FBXL13: variants seen among roughly 807,000 people sequenced by gnomAD.
The protein encoded by FBXL13 is F-box and leucine-rich repeat protein 13.
In FBXL13, 67 loss-of-function variants were observed where a neutral mutation model predicts 83.6. The observed-to-expected ratio is 0.80, with a 90% confidence interval of 0.66 to 0.98. The LOEUF (loss-of-function observed/expected upper bound fraction) is 0.98. Among genes scored for constraint, FBXL13 ranks in the 50% least tolerant of loss-of-function variants. FBXL13 has a pLI of 0.00. For missense variants in FBXL13, 822 were observed against 866.5 expected, an observed-to-expected ratio of 0.95 and a Z score of 0.64; for synonymous variants, 272 against 299.5, an observed-to-expected ratio of 0.91 and a Z score of 0.95.
intron 6 of FBXL13, among the ~76,000 whole-genome samples, chr7:102,979,709 A>C (rs1827954640): frequency 6.6e-6 from 1 of 152,206 alleles, no homozygotes; most frequent in African/African-American, 2.4e-5. Context: ...ATTTCTTTGC[A>C]TGCCTGAAAT....
chr7:102,891,868 C>T (rs1811580175), intron 11 of FBXL13, among the ~76,000 whole-genome samples: 1 of 152,210 alleles, frequency 6.6e-6, no homozygotes, highest in Non-Finnish European at 1.5e-5. Flanking sequence ...TTTCCTCAAC[C>T]AGTGGCCAAA....
At chr7:102,940,723 T>C (rs1346908036) in intron 8 of FBXL13, among the ~76,000 whole-genome samples, 3 of 152,206 alleles carry the variant, frequency 2.0e-5, no homozygotes, top group African/African-American at 7.2e-5. Flanking sequence ...CTCCATTTGC[T>C]AAGCAAAGCC....
chr7:102,867,380 CA>C (rs147694128), intron 16 of FBXL13, among the ~76,000 whole-genome samples: 28,761 of 149,940 alleles, frequency 0.19, 3,003 homozygotes, highest in East Asian at 0.43. Context: ...AACAAACAAA[CA>C]AAAAAAAAGA....
At chr7:102,932,239 A>G (rs1048715433) in intron 8 of FBXL13, among the ~76,000 whole-genome samples, 2 of 152,060 alleles carry the variant, frequency 1.3e-5, no homozygotes, top group African/African-American at 4.8e-5. Flanking sequence ...AAGAAAACCA[A>G]CCTGGTTTTT....
chr7:102,886,402 TG>T (rs1178918594), intron 11 of FBXL13, among the ~76,000 whole-genome samples: 2 of 152,172 alleles, frequency 1.3e-5, no homozygotes, highest in African/African-American at 2.4e-5. Context: ...TCCAAGGTTC[TG>T]TCATCAGAGC....
intron 12 of FBXL13, among the ~76,000 whole-genome samples, chr7:102,883,936 C>A (rs1810450793): frequency 6.6e-6 from 1 of 152,096 alleles, no homozygotes; most frequent in African/African-American, 2.4e-5. Context: ...AAAATTACTA[C>A]ATTTGGCAGC....
At chr7:102,900,667 T>C (rs1812853460) in intron 11 of FBXL13, among the ~76,000 whole-genome samples, 1 of 152,194 alleles carries the variant, frequency 6.6e-6, no homozygotes, top group African/African-American at 2.4e-5. Flanking sequence ...TTCATGAAGC[T>C]ACAGCAGCAG....
At chr7:103,012,826 G>A (rs1013099673) in intron 6 of FBXL13, among the ~76,000 whole-genome samples, 1 of 152,158 alleles carries the variant, frequency 6.6e-6, no homozygotes, top group African/African-American at 2.4e-5. Context: ...GAATGTAAAT[G>A]GGCTAAATGC....
intron 6 of FBXL13, among the ~76,000 whole-genome samples, chr7:103,019,297 C>T (rs532487955): frequency 2.0e-5 from 3 of 152,212 alleles, no homozygotes; most frequent in East Asian, 1.9e-4. Flanking sequence ...GACAACATAC[C>T]GGAATGTCTG....
At chr7:102,939,524 A>G in intron 8 of FBXL13, 1 of 1,614,100 alleles carries the variant, frequency 6.2e-7, no homozygotes, top group Non-Finnish European at 8.5e-7. Flanking sequence ...AGGAATTTGA[A>G]GATGTTCATG....
intron 1 of FBXL13, among the ~76,000 whole-genome samples, chr7:103,060,065 C>CACA (rs1554517936): frequency 5.2e-5 from 2 of 38,666 alleles, no homozygotes; most frequent in South Asian, 8.7e-4. Context: ...TATATATATA[C>CACA]TTTTTTTTTT....
chr7:103,010,585 TA>T (rs1027751666), intron 6 of FBXL13, among the ~76,000 whole-genome samples: 35 of 152,188 alleles, frequency 2.3e-4, no homozygotes, highest in African/African-American at 8.4e-4. Context: ...TAGGGGGGTT[TA>T]GGGGGAAGCC....
intron 18 of FBXL13, among the ~76,000 whole-genome samples, chr7:102,830,964 G>T (rs1800561010): frequency 6.6e-6 from 1 of 152,148 alleles, no homozygotes; most frequent in Admixed American, 6.6e-5. Flanking sequence ...TAAGAGTGGA[G>T]GACTAAAAAC....
At chr7:102,827,144 C>T (rs1799877056) in intron 18 of FBXL13, 1 of 455,114 alleles carries the variant, frequency 2.2e-6, no homozygotes, top group Non-Finnish European at 4.4e-6. Flanking sequence ...TGCCTTGCAG[C>T]TTCTACCTTT....
At chr7:103,069,444 A>C (rs1798719628) in intron 1 of FBXL13, among the ~76,000 whole-genome samples, 1 of 152,218 alleles carries the variant, frequency 6.6e-6, no homozygotes, top group Admixed American at 6.5e-5. Flanking sequence ...CATATATAAA[A>C]GTTGAGGGCC....
At chr7:103,038,206 G>A (rs569788707) in intron 2 of FBXL13, among the ~76,000 whole-genome samples, 14 of 152,316 alleles carry the variant, frequency 9.2e-5, no homozygotes, top group African/African-American at 1.9e-4. Flanking sequence ...CACTGCTAGC[G>A]CAGCAGTCTG....
At chr7:102,942,442 C>T (rs960720756) in intron 8 of FBXL13, 5 of 1,079,502 alleles carry the variant, frequency 4.6e-6, no homozygotes, top group African/African-American at 3.2e-5. Flanking sequence ...AAAGAAGATA[C>T]CCTACTAGGG....
At chr7:102,913,251 C>T (rs1027632462) in intron 10 of FBXL13, 36 bp from the exon 12 acceptor site, 2 of 1,612,372 alleles carry the variant, frequency 1.2e-6, no homozygotes, top group Admixed American at 3.3e-5. Context: ...AAGTATTATA[C>T]TTCCGTTGTT....
At chr7:103,052,223 GA>G (rs997604935) in intron 2 of FBXL13, among the ~76,000 whole-genome samples, 2 of 152,022 alleles carry the variant, frequency 1.3e-5, no homozygotes, top group African/African-American at 2.4e-5. Context: ...AAAGGCATAT[GA>G]AAAAAAGTAA....
Sources: allele counts gnomAD v4.1 joint callset (sites outside exome capture counted in the v4.1 genomes callset), GRCh38; gene constraint gnomAD v4.1.1; transcripts MANE v1.5; gene names NCBI Gene and HGNC (gene_info 2026-07-23, HGNC 2026-07-21).